The following TENM3 variants were observed in gnomAD, a reference collection of about 807,000 sequenced individuals.
TENM3 encodes teneurin-3.
Under a neutral mutation model 255.1 loss-of-function variants are expected in TENM3, and 63 were observed. That is an observed-to-expected ratio of 0.25 (90% confidence interval 0.20 to 0.30). The LOEUF is 0.30. TENM3 is among the 10% of genes least tolerant of loss of function. The pLI, the probability that TENM3 is intolerant of heterozygous loss-of-function variation, is 1.00. For synonymous variants in TENM3, 1,306 were observed against 1,322.3 expected (o/e 0.99, Z 0.27); for missense variants, 2,929 against 3,461.1 (o/e 0.85, Z 3.86).
At chr4:182,240,580 T>G (rs1211449576), upstream of TENM3, among the ~76,000 whole-genome samples, 1 of 152,188 alleles carries the variant, frequency 6.6e-6, no homozygotes, top group African/African-American at 2.4e-5. Flanking sequence ...TGCCTGACTT[T>G]TCTTCAAGTT....
chr4:181,873,778 G>GT, the TENM3 span, among the ~76,000 whole-genome samples: 2 of 150,882 alleles, frequency 1.3e-5, no homozygotes, highest in Admixed American at 6.6e-5. Context: ...GTGGTTTTTT[G>GT]TTTTTTGTGT....
At chr4:182,032,291 A>G in the TENM3 span, among the ~76,000 whole-genome samples, 3 of 152,124 alleles carry the variant, frequency 2.0e-5, no homozygotes, top group African/African-American at 7.2e-5. Flanking sequence ...GGCTTTTTCT[A>G]CATTTATTGA....
At chr4:181,531,841 G>A in the TENM3 span, among the ~76,000 whole-genome samples, 3 of 152,172 alleles carry the variant, frequency 2.0e-5, no homozygotes, top group East Asian at 1.9e-4. Flanking sequence ...ACTGAAGGGC[G>A]GAGCAGAGTT....
At chr4:182,545,510 A>G (rs1397313374) in intron 3 of TENM3, among the ~76,000 whole-genome samples, 1 of 151,606 alleles carries the variant, frequency 6.6e-6, no homozygotes, top group Non-Finnish European at 1.5e-5. Flanking sequence ...TCTTGCGCAG[A>G]ACCTCTCCTG....
intron 12 of TENM3, among the ~76,000 whole-genome samples, chr4:182,707,067 C>T (rs1173946559): frequency 6.6e-6 from 1 of 151,994 alleles, no homozygotes; most frequent in Non-Finnish European, 1.5e-5. Context: ...CACATTAAGT[C>T]ACCTATGCCT....
intron 22 of TENM3, chr4:182,772,604 G>A (rs1764336575): frequency 6.6e-6 from 1 of 150,414 alleles, no homozygotes; most frequent in South Asian, 2.1e-4. Flanking sequence ...ATTTTCTCTG[G>A]TGCTGCCACA....
intron 13 of TENM3, among the ~76,000 whole-genome samples, chr4:182,727,354 G>T (rs1760285348): frequency 6.6e-6 from 1 of 151,660 alleles, no homozygotes; most frequent in Non-Finnish European, 1.5e-5. Context: ...TTCTCAGGAG[G>T]CTGAGGCAGG....
At chr4:181,646,545 G>A in the TENM3 span, among the ~76,000 whole-genome samples, 8 of 152,130 alleles carry the variant, frequency 5.3e-5, no homozygotes, top group Non-Finnish European at 7.4e-5. Flanking sequence ...AACCTAACAA[G>A]GGGAGAGAAT....
chr4:182,047,338 T>C, the TENM3 span, among the ~76,000 whole-genome samples: 22 of 151,734 alleles, frequency 1.4e-4, no homozygotes, highest in Non-Finnish European at 2.1e-4. Flanking sequence ...CCGAGGTGGG[T>C]GGATTACGAG....
At chr4:182,112,165 A>G in the TENM3 span, among the ~76,000 whole-genome samples, 1 of 152,244 alleles carries the variant, frequency 6.6e-6, no homozygotes, top group African/African-American at 2.4e-5. Context: ...TAAAAAATAA[A>G]AAATGAATGA....
At chr4:181,789,521 T>A in the TENM3 span, among the ~76,000 whole-genome samples, 1 of 151,908 alleles carries the variant, frequency 6.6e-6, no homozygotes, top group South Asian at 2.1e-4. Flanking sequence ...CCTCCCAAAG[T>A]GCTGTGATTA....
chr4:181,580,728 T>C, the TENM3 span, among the ~76,000 whole-genome samples: 1 of 152,062 alleles, frequency 6.6e-6, no homozygotes, highest in Admixed American at 6.5e-5. Flanking sequence ...TTGCCTAGGG[T>C]TAGCCCCATG....
the TENM3 span, among the ~76,000 whole-genome samples, chr4:181,547,866 T>TTACATA: frequency 1.3e-5 from 2 of 152,152 alleles, no homozygotes; most frequent in African/African-American, 4.8e-5. Context: ...TGCAGGTTTG[T>TTACATA]TACATATACA....
chr4:181,893,491 ACCC>A, the TENM3 span, among the ~76,000 whole-genome samples: 2 of 24,908 alleles, frequency 8.0e-5, no homozygotes, highest in African/African-American at 1.3e-4. Flanking sequence ...TCCCCTGCCC[ACCC>A]CCCCCCCACC....
the TENM3 span, among the ~76,000 whole-genome samples, chr4:181,813,864 G>A: frequency 6.6e-6 from 1 of 152,168 alleles, no homozygotes; most frequent in African/African-American, 2.4e-5. Context: ...ATATGTGTCT[G>A]AATAAGTGTT....
Position 182,327,992 on chromosome 4 carries a change from C to T in TENM3, c.232+3740C>T, listed in dbSNP as rs543183591. On this transcript the variant is annotated intron_variant, in intron 2 of 27. Coordinates refer to ENST00000511685, the MANE Select transcript of TENM3 (RefSeq NM_001080477.4). The stretch of plus-strand genomic sequence containing the variant: ...ATCAATTCCAACAAGGAACGCTGCC[C>T]GTGAGGGTGAACCTTGAAAAGAGAC... 2.0e-4 allele frequency among the ~76,000 whole-genome samples: 30 copies of T among 152,180 alleles called. No individual in the cohort carries two copies. In the South Asian group the frequency reaches 4.1e-3, roughly 21 times the overall value.
At chr4:181,622,566 CTCGGGAGGTTGAGGCAGGAGAA>C in the TENM3 span, among the ~76,000 whole-genome samples, 1 of 152,058 alleles carries the variant, frequency 6.6e-6, no homozygotes, top group African/African-American at 2.4e-5. Flanking sequence ...ATGTCAGCTA[CTCGGGAGGTTGAGGCAGGAGAA>C]TCGCTTGAAC....
intron 3 of TENM3, among the ~76,000 whole-genome samples, chr4:182,561,462 GAAAC>G (rs1413663369): frequency 2.6e-5 from 4 of 151,242 alleles, no homozygotes; most frequent in Non-Finnish European, 5.9e-5. Flanking sequence ...AAAAAGGAAA[GAAAC>G]AAACCAAATT....
the TENM3 span, among the ~76,000 whole-genome samples, chr4:181,675,743 G>A: frequency 7.8e-4 from 118 of 152,058 alleles, 1 homozygote; most frequent in African/African-American, 2.5e-3. Flanking sequence ...CCGCACGAGG[G>A]GTAAACATTT....
Sources: gnomAD v4.1 joint callset for allele counts (sites outside exome capture counted in the v4.1 genomes callset) on GRCh38, gnomAD v4.1.1 for gene constraint, MANE v1.5 for transcripts, NCBI Gene and HGNC (gene_info 2026-07-23, HGNC 2026-07-21) for gene names.